Variants in EMC3 observed in about 807,000 individuals in gnomAD.
EMC3 encodes the protein ER membrane protein complex subunit 3, also known as 30 kDa protein.
In EMC3, 13 loss-of-function variants were observed where a neutral mutation model predicts 36.6. The ratio of observed to expected loss-of-function variants is 0.35; its 90% CI spans 0.23 to 0.56. The LOEUF (loss-of-function observed/expected upper bound fraction) is 0.56. Ranked by LOEUF, EMC3 falls within the 20% of genes least tolerant of loss-of-function variation. The pLI, the probability that EMC3 is intolerant of heterozygous loss-of-function variation, is 0.84. For synonymous variants in EMC3, 120 were observed against 111.9 expected, an observed-to-expected ratio of 1.07 and a Z score of -0.46; for missense variants, 220 against 324.5, an observed-to-expected ratio of 0.68 and a Z score of 2.47.
chr3:9,992,470 T>G (rs1248387195), intron 1 of EMC3, among the ~76,000 whole-genome samples: 3 of 152,214 alleles, frequency 2.0e-5, no homozygotes, highest in Non-Finnish European at 4.4e-5. Flanking sequence ...AAATTAAAAT[T>G]ACTCCATCAT....
At chr3:9,998,155 A>G (rs1027621841) in intron 1 of EMC3, among the ~76,000 whole-genome samples, 4 of 151,882 alleles carry the variant, frequency 2.6e-5, no homozygotes, top group African/African-American at 9.7e-5. Context: ...TCACGAGGTC[A>G]GGAGATTGAG....
intron 7 of EMC3, 189 bp downstream of exon 7, chr3:9,969,530 C>A: frequency 1.4e-6 from 2 of 1,472,888 alleles, no homozygotes; most frequent in South Asian, 1.3e-5. Context: ...GTAAAAGCAC[C>A]AAGAATTTCC....
intron 7 of EMC3, among the ~76,000 whole-genome samples, chr3:9,965,088 G>A (rs549810464): frequency 2.0e-4 from 29 of 145,524 alleles, no homozygotes; most frequent in Non-Finnish European, 3.4e-4. Context: ...GTAATACCTC[G>A]TCTTTAAAAA....
At chr3:10,002,015 A>C (rs1183903305) in intron 1 of EMC3, among the ~76,000 whole-genome samples, 1 of 152,028 alleles carries the variant, frequency 6.6e-6, no homozygotes, top group Non-Finnish European at 1.5e-5. Context: ...ATACATATAT[A>C]TATATTGAAA....
upstream of EMC3, chr3:9,987,291 T>C (rs940185618): frequency 5.1e-6 from 5 of 983,958 alleles, no homozygotes; most frequent in Non-Finnish European, 6.0e-6. Flanking sequence ...GTGGTCGTAG[T>C]CTCTCGAGGC....
intron 1 of EMC3, among the ~76,000 whole-genome samples, chr3:9,986,080 C>T (rs1312875141): frequency 6.6e-6 from 1 of 152,102 alleles, no homozygotes; most frequent in Non-Finnish European, 1.5e-5. Context: ...ACGCCTGGAA[C>T]AGTAATTTGG....
chr3:9,969,373 T>C (rs943962904), intron 7 of EMC3: 93 of 1,147,898 alleles, frequency 8.1e-5, no homozygotes, highest in Non-Finnish European at 9.8e-5. Flanking sequence ...GCTCTTAGTA[T>C]TGTTTTTTTA....
chr3:9,973,126 A>G (rs1447611499), intron 5 of EMC3, among the ~76,000 whole-genome samples: 1 of 150,962 alleles, frequency 6.6e-6, no homozygotes, highest in Non-Finnish European at 1.5e-5. Flanking sequence ...ACCCAGCCAG[A>G]AATCCTCATC....
intron 1 of EMC3, chr3:9,978,185 A>AAAAT (rs1436826217): frequency 7.6e-6 from 1 of 132,266 alleles, no homozygotes; most frequent in Admixed American, 8.2e-5. Context: ...AAAAAAAAAA[A>AAAAT]ATTAGCCAGG....
chr3:9,974,857 GTTTTTTTTTT>G (rs71307728), intron 3 of EMC3, among the ~76,000 whole-genome samples: 1 of 63,400 alleles, frequency 1.6e-5, no homozygotes, highest in African/African-American at 6.9e-5. Flanking sequence ...CGCACCCAGC[GTTTTTTTTTT>G]TTTTTTTTTT....
rs1174175251 is a variant in EMC3 at position 9,967,748 on chromosome 3, G to T, written c.657+1971C>A. Among the ~76,000 whole-genome samples, 21 of 152,230 alleles carry T rather than the reference G, an allele frequency of 1.4e-4. 1 individual carries two copies. The highest frequency in any genetic ancestry group is 1.4e-3 in the Admixed American group (21 of 15,280). ...TTGTCAATTTCTGCAAGAATGGCAA[G>T]TAAGATTTTTATAGGGATTGTGTTC... On this transcript the variant is annotated intron_variant, in intron 7 of 7. Transcript: ENST00000245046.
chr3:9,977,059 A>C lies in EMC3; in HGVS notation c.214-9T>G, dbSNP rs760722539. ...TTTCGTGTCAAGAAAGACTAGTAAA[A>C]AAAAAAAAAAGTGTTTTAAGTCTAA... On this transcript the variant is annotated splice_polypyrimidine_tract_variant and intron_variant, in intron 2 of 7. Coordinates refer to ENST00000245046, the MANE Select transcript of EMC3 (RefSeq NM_001394674.1). The C allele has an allele frequency of 1.3e-6, 2 of 1,572,288 alleles. No homozygotes were observed. Among genetic ancestry groups the C allele is most frequent in the East Asian group, 2.2e-5 (1 of 44,676 alleles).
chr3:10,004,340 A>G (rs1191222934), intron 1 of EMC3: 3 of 152,230 alleles, frequency 2.0e-5, no homozygotes, highest in Non-Finnish European at 4.4e-5. Flanking sequence ...CCTGAATCCC[A>G]AAACAACCCA....
intron 2 of EMC3, 59 bp from the exon 3 acceptor site, chr3:9,977,109 A>C: frequency 7.5e-7 from 1 of 1,329,478 alleles, no homozygotes; most frequent in Non-Finnish European, 1.1e-6. Context: ...CAAACTGTTA[A>C]ATTACTCCCC....
At chr3:9,987,402 T>G (rs1479783014), upstream of EMC3, 66 of 592,410 alleles carry the variant, frequency 1.1e-4, no homozygotes, top group Non-Finnish European at 6.8e-5. Flanking sequence ...TGCCCTGAGA[T>G]GGGATAGTCC....
At chr3:9,980,611 C>T (rs1202500317) in intron 1 of EMC3, among the ~76,000 whole-genome samples, 3 of 144,086 alleles carry the variant, frequency 2.1e-5, no homozygotes, top group Non-Finnish European at 3.0e-5. Context: ...TGGTCTCTAA[C>T]TCCTGGACTC....
chr3:9,982,243 C>A (rs1483611921), intron 1 of EMC3, among the ~76,000 whole-genome samples: 3 of 151,470 alleles, frequency 2.0e-5, no homozygotes, highest in Non-Finnish European at 2.9e-5. Context: ...AGCCACCATA[C>A]CTGGTGCAAA....
chr3:9,986,601 C>A lies in EMC3; in HGVS notation c.61G>T (p.Val21Phe). ...NIRLWVVLPI[V>F]IITFFVGMIR... Reference sequence around the variant, plus strand: ...ATGCCTACGAAGAAAGTGATGATAACGATGGGTAGGACCACCCAGAGGCGG... The same window carrying A: ...ATGCCTACGAAGAAAGTGATGATAAAGATGGGTAGGACCACCCAGAGGCGG... Residue 21 changes from valine to phenylalanine, a missense_variant, in exon 1 of 8, where the codon GTT becomes TTT. By Grantham distance (50) the Val-to-Phe change is conservative. Transcript: ENST00000245046. The A allele has an allele frequency of 1.2e-6, 2 of 1,614,228 alleles. No individual in the cohort carries two copies. The highest frequency in any genetic ancestry group is 1.3e-5 in the African/African-American group (1 of 75,060).
intron 1 of EMC3, among the ~76,000 whole-genome samples, chr3:9,996,695 G>C (rs973696589): frequency 2.6e-5 from 4 of 152,000 alleles, no homozygotes; most frequent in African/African-American, 9.7e-5. Context: ...ATATAGAAGA[G>C]TATCCAGTGA....
Sources: allele counts gnomAD v4.1 joint callset (sites outside exome capture counted in the v4.1 genomes callset), GRCh38; gene constraint gnomAD v4.1.1; transcripts MANE v1.5; gene names NCBI Gene and HGNC (gene_info 2026-07-23, HGNC 2026-07-21).